ABCB4: variants seen among roughly 807,000 people sequenced by gnomAD.
ABCB4 encodes the protein phosphatidylcholine translocator ABCB4.
ABCB4 carries 76 observed loss-of-function variants against 145.7 expected under a neutral mutation model. The ratio of observed to expected loss-of-function variants is 0.52; its 90% confidence interval spans 0.43 to 0.63. ABCB4 has a LOEUF of 0.63. Ranked by LOEUF, ABCB4 falls within the 30% of genes least tolerant of loss-of-function variation. The probability of loss-of-function intolerance (pLI) is 0.00; values close to 1 mark genes in which losing one functional copy is unlikely to be tolerated. For missense variants in ABCB4, 1,234 were observed against 1,553.1 expected (o/e 0.79, Z 3.45); for synonymous variants, 517 against 566.8 (o/e 0.91, Z 1.25).
At chr7:87,395,782 A>G in the ABCB4 span, among the ~76,000 whole-genome samples, 1 of 152,096 alleles carries the variant, frequency 6.6e-6, no homozygotes, top group African/African-American at 2.4e-5. Context: ...AGGTGTCAAA[A>G]TGGTCTACTT....
At chr7:87,468,932 A>AAAAATAAATAAAT (rs955723201) in intron 3 of ABCB4, among the ~76,000 whole-genome samples, 1 of 150,770 alleles carries the variant, frequency 6.6e-6, no homozygotes, top group Non-Finnish European at 1.5e-5. Flanking sequence ...CTCCGTCTCA[A>AAAAATAAATAAAT]AAAATAAATA....
intron 3 of ABCB4, among the ~76,000 whole-genome samples, chr7:87,468,829 G>A (rs1335522800): frequency 6.6e-6 from 1 of 151,984 alleles, no homozygotes; most frequent in African/African-American, 2.4e-5. Context: ...TACTCGAGAG[G>A]CTGAGGCAGG....
intron 2 of ABCB4, among the ~76,000 whole-genome samples, chr7:87,472,939 C>T (rs941253969): frequency 2.6e-5 from 4 of 152,132 alleles, no homozygotes; most frequent in African/African-American, 9.7e-5. Context: ...AGTATGCTAA[C>T]AGTGTCGCTA....
Position 87,423,915 on chromosome 7 carries a change from C to G in ABCB4, c.2202G>C (p.Glu734Asp). Reference protein sequence around the residue: ...LQPAFSVIFSEIIAIFGPGDD... With the variant: ...LQPAFSVIFSDIIAIFGPGDD... ...GTGTTTGCAAACTTACCGCTATGAT[C>G]TCTGAGAATATGACTGAAAATGCCG... is the stretch of plus-strand genomic sequence containing the variant. The change falls in exon 17 of 28, where the codon GAG (glutamate) becomes GAC (aspartate). Residue 734 changes from glutamate to aspartate, a missense_variant. By Grantham distance (45) the Glu-to-Asp change is conservative. Coordinates refer to ENST00000649586, the MANE Select transcript of ABCB4 (RefSeq NM_000443.4). 1 of 1,614,070 alleles carries G rather than the reference C, an allele frequency of 6.2e-7. No individual in the cohort carries two copies. The highest frequency in any genetic ancestry group is 8.5e-7 in the Non-Finnish European group (1 of 1,179,950).
At position 87,403,435 on chromosome 7, in the gene ABCB4, T is replaced by C. The variant is rs372293472; in HGVS notation, c.3487-154A>G. ...TATTTTCAAAATCAAACTAGAAAACTAGTGACTTTAATTCTCAATGGTATT... is the reference window on the plus strand; with the variant it reads ...TATTTTCAAAATCAAACTAGAAAACCAGTGACTTTAATTCTCAATGGTATT... On this transcript the variant is annotated intron_variant, in intron 26 of 27. Coordinates refer to ENST00000649586, the MANE Select transcript of ABCB4 (RefSeq NM_000443.4). 52 of 679,882 alleles carry C rather than the reference T, an allele frequency of 7.6e-5. No homozygotes were observed. In the East Asian group the frequency reaches 9.7e-4, roughly 13 times the overall value. The allele number at this position is 679,882 out of a possible 1,614,324, so 42.1% of individuals were successfully genotyped here.
the ABCB4 span, chr7:87,382,681 T>C: frequency 1.3e-6 from 1 of 786,310 alleles, no homozygotes; most frequent in Non-Finnish European, 2.0e-6. Flanking sequence ...TGTACTTCCA[T>C]CAATAGAGTA....
In ABCB4 at chr7:87,406,293, G is replaced by A. The variant is rs121918442; in HGVS notation, c.3481C>T (p.Pro1161Ser). 2.3e-5 allele frequency: 37 copies of A among 1,614,016 alleles called. No individual in the cohort carries two copies. Among genetic ancestry groups the A allele is most frequent in the Middle Eastern group, 3.3e-4 (2 of 6,062 alleles). ...TCAGCTACTCTTTAACTTACGTGGG[G>A]TAACGTCTCGATGAAAGGATGTATG... ...ANIHPFIETL[P>S]HKYETRVGDK... The change falls in exon 26 of 28, where the codon CCC (proline) becomes TCC (serine). Residue 1161 changes from proline to serine, a missense_variant. Physicochemically the swap from Pro to Ser is moderately conservative, Grantham distance 74. Around this residue, in one of 7 missense-constraint regions of ABCB4, gnomAD observed 301 missense variants for 389.0 expected, o/e 0.77. Coordinates refer to ENST00000649586, the MANE Select transcript of ABCB4 (RefSeq NM_000443.4).
At chr7:87,410,462 A>G (rs996202231) in intron 23 of ABCB4, among the ~76,000 whole-genome samples, 2 of 152,220 alleles carry the variant, frequency 1.3e-5, no homozygotes, top group Non-Finnish European at 1.5e-5. Context: ...ATGTGGCTGC[A>G]TAGCTTCCCT....
the ABCB4 span, among the ~76,000 whole-genome samples, chr7:87,371,324 C>A: frequency 6.6e-6 from 1 of 152,068 alleles, no homozygotes; most frequent in Non-Finnish European, 1.5e-5. Flanking sequence ...TTCTTTTAAT[C>A]AACAATAAAT....
intron 15 of ABCB4, among the ~76,000 whole-genome samples, chr7:87,430,707 G>A (rs934571707): frequency 1.3e-5 from 2 of 152,056 alleles, no homozygotes; most frequent in Non-Finnish European, 2.9e-5. Context: ...TGTATTTTTA[G>A]TAGAGATGGG....
Position 87,406,392 on chromosome 7 carries a change from C to G in ABCB4, c.3382G>C (p.Glu1128Gln). Residue 1128 changes from glutamate (E) to glutamine (Q), a missense_variant, in exon 26 of 28, where the codon GAG becomes CAG. Physicochemically the swap from Glu to Gln is conservative, Grantham distance 29 (BLOSUM62 2). Around this residue, in one of 7 missense-constraint regions of ABCB4, gnomAD observed 301 missense variants for 389.0 expected, o/e 0.77. Coordinates refer to ENST00000649586, the MANE Select transcript of ABCB4 (RefSeq NM_000443.4). ...EPILFDCSIAENIAYGDNSRV... is the reference protein window; with the variant it reads ...EPILFDCSIAQNIAYGDNSRV... Reference sequence around the variant, plus strand: ...CTGTTGTCTCCATAGGCAATATTCTCGGCAATGCTGCAGTCAAATAGGATA... The same window carrying G: ...CTGTTGTCTCCATAGGCAATATTCTGGGCAATGCTGCAGTCAAATAGGATA... 1 of 1,614,096 alleles carries G rather than the reference C, an allele frequency of 6.2e-7. No individual in the cohort carries two copies. Among genetic ancestry groups the G allele is most frequent in the Non-Finnish European group, 8.5e-7 (1 of 1,180,020 alleles).
chr7:87,391,924 T>A, the ABCB4 span, among the ~76,000 whole-genome samples: 1 of 152,202 alleles, frequency 6.6e-6, no homozygotes, highest in African/African-American at 2.4e-5. Context: ...CCATTTGTGT[T>A]ATTTTCTAGG....
chr7:87,441,580 CT>C (rs879830156), intron 12 of ABCB4, among the ~76,000 whole-genome samples: 334 of 143,832 alleles, frequency 2.3e-3, no homozygotes, highest in East Asian at 3.0e-3. Context: ...TATTTTTGTC[CT>C]TTTTTTTTTT....
chr7:87,401,527 A>G (rs896102155), downstream of ABCB4, among the ~76,000 whole-genome samples: 6 of 152,356 alleles, frequency 3.9e-5, no homozygotes, highest in Non-Finnish European at 7.3e-5. Flanking sequence ...TTAAAAAAAT[A>G]CTTAATGATA....
chr7:87,373,745 A>G, the ABCB4 span, among the ~76,000 whole-genome samples: 1 of 152,020 alleles, frequency 6.6e-6, no homozygotes, highest in East Asian at 1.9e-4. Context: ...AGTAGACGAG[A>G]TTACCAAGGG....
intron 10 of ABCB4, 119 bp downstream of exon 10, chr7:87,444,738 TAAATG>T: frequency 1.5e-6 from 1 of 672,166 alleles, no homozygotes; most frequent in Non-Finnish European, 2.6e-6. Flanking sequence ...TTCATATAAT[TAAATG>T]TCACTTTAGT....
chr7:87,459,264 A>G (rs1812298674), intron 4 of ABCB4, among the ~76,000 whole-genome samples: 2 of 152,186 alleles, frequency 1.3e-5, no homozygotes, highest in African/African-American at 4.8e-5. Context: ...TCAACTTGCA[A>G]AATTGAAATT....
At chr7:87,394,661 T>G in the ABCB4 span, among the ~76,000 whole-genome samples, 1 of 152,138 alleles carries the variant, frequency 6.6e-6, no homozygotes, top group Non-Finnish European at 1.5e-5. Context: ...AAAATGCAGC[T>G]TTTTGGTGGG....
intron 3 of ABCB4, among the ~76,000 whole-genome samples, chr7:87,467,217 A>C (rs1282139027): frequency 1.3e-5 from 2 of 152,190 alleles, no homozygotes; most frequent in Non-Finnish European, 2.9e-5. Context: ...CTACCAAGCA[A>C]ATGGAAAACA....
Sources: gnomAD v4.1 joint callset for allele counts (sites outside exome capture counted in the v4.1 genomes callset) on GRCh38, gnomAD v4.1.1 for gene constraint, gnomAD v4.1.1 regional missense constraint, MANE v1.5 for transcripts, NCBI Gene and HGNC (gene_info 2026-07-23, HGNC 2026-07-21) for gene names.